GRIK4: variants seen among roughly 807,000 people sequenced by gnomAD.
GRIK4 encodes glutamate receptor ionotropic, kainate 4.
GRIK4 carries 40 observed loss-of-function variants against 104.9 expected under a neutral mutation model. That is an observed-to-expected ratio of 0.38 (90% CI 0.30 to 0.50). The LOEUF is 0.50. GRIK4 is among the 20% of genes least tolerant of loss of function. GRIK4 has a pLI of 0.93. For synonymous variants in GRIK4, 485 were observed against 524.9 expected (o/e 0.92, Z 1.04); for missense variants, 1,047 against 1,308.1 (o/e 0.80, Z 3.08).
At chr11:120,970,658 C>A (rs1412158071) in intron 19 of GRIK4, among the ~76,000 whole-genome samples, 1 of 152,102 alleles carries the variant, frequency 6.6e-6, no homozygotes, top group African/African-American at 2.4e-5. Flanking sequence ...GGAAGGGGAT[C>A]CAGGATCTCG....
In GRIK4 at chr11:120,875,130, CTT is replaced by C. The variant is rs758281918; in HGVS notation, c.1060-8_1060-7del. 40 of 1,574,362 alleles carry C rather than the reference CTT, an allele frequency of 2.5e-5. No individual in the cohort carries two copies. The highest frequency in any genetic ancestry group is 4.5e-5 in the East Asian group (2 of 44,534). The stretch of plus-strand genomic sequence containing the variant: ...TGTTTGGTGCTGTAACTCACTCTCT[CTT>C]GGACAGGTAGAATTGGAAGGTCTTA... On this transcript the variant is annotated splice_polypyrimidine_tract_variant and splice_region_variant and intron_variant, in intron 10 of 20. Coordinates refer to ENST00000527524, the MANE Select transcript of GRIK4 (RefSeq NM_014619.5).
chr11:120,559,880 A>T (rs1164240842), intron 1 of GRIK4, among the ~76,000 whole-genome samples: 1 of 152,086 alleles, frequency 6.6e-6, no homozygotes, highest in African/African-American at 2.4e-5. Flanking sequence ...GCGAGAGGAG[A>T]CAGGCCTATT....
Position 120,792,457 on chromosome 11 carries a change from G to A in GRIK4, c.83-10236G>A, listed in dbSNP as rs375122235. Among the ~76,000 whole-genome samples the A allele has an allele frequency of 1.2e-3, 178 of 152,160 alleles. 2 individuals carry two copies. The South Asian group carries it at 0.036, about 31-fold the overall frequency. ...GCGCACACTCTGGCAGCTAGGAGAGGGTGTGGTTGAGGAGCGCCAGGTGGT... is the reference window on the plus strand; with the variant it reads ...GCGCACACTCTGGCAGCTAGGAGAGAGTGTGGTTGAGGAGCGCCAGGTGGT... On this transcript the variant is annotated intron_variant, in intron 3 of 20. Coordinates refer to ENST00000527524, the MANE Select transcript of GRIK4 (RefSeq NM_014619.5).
chr11:120,791,982 T>G (rs1952403664), intron 3 of GRIK4, among the ~76,000 whole-genome samples: 1 of 152,206 alleles, frequency 6.6e-6, no homozygotes. Flanking sequence ...GAAGTTCTCC[T>G]GCTGTCAGGC....
chr11:120,825,781 G>A (rs999661214), intron 6 of GRIK4, among the ~76,000 whole-genome samples: 2 of 152,202 alleles, frequency 1.3e-5, no homozygotes, highest in African/African-American at 2.4e-5. Context: ...GTCTATTGAG[G>A]TAATTGGATG....
intron 8 of GRIK4, chr11:120,859,476 G>C (rs1006694248): frequency 2.0e-5 from 3 of 152,296 alleles, no homozygotes; most frequent in Non-Finnish European, 4.4e-5. Context: ...GAGCCTCAGG[G>C]CTTCCTTAAA....
At chr11:120,885,020 C>T (rs986519775) in intron 11 of GRIK4, among the ~76,000 whole-genome samples, 2 of 152,264 alleles carry the variant, frequency 1.3e-5, no homozygotes, top group African/African-American at 2.4e-5. Context: ...CCACTCAGAG[C>T]GCAAAGTTGT....
chr11:120,813,268 A>T (rs2094789607), intron 4 of GRIK4, among the ~76,000 whole-genome samples: 2 of 152,268 alleles, frequency 1.3e-5, no homozygotes, highest in South Asian at 4.2e-4. Context: ...GTGTGTGACC[A>T]GAGCGGAGGC....
At chr11:120,882,769 C>T (rs1424126624) in intron 11 of GRIK4, among the ~76,000 whole-genome samples, 1 of 152,174 alleles carries the variant, frequency 6.6e-6, no homozygotes, top group Non-Finnish European at 1.5e-5. Flanking sequence ...AACCCCTTGG[C>T]GGCCCCCATT....
intron 3 of GRIK4, among the ~76,000 whole-genome samples, chr11:120,799,438 C>T (rs1426693098): frequency 6.6e-6 from 1 of 152,194 alleles, no homozygotes; most frequent in Non-Finnish European, 1.5e-5. Context: ...TTTACAGTCC[C>T]TGGAAGCCTC....
intron 3 of GRIK4, among the ~76,000 whole-genome samples, chr11:120,723,149 T>C (rs1950963577): frequency 6.6e-6 from 1 of 152,238 alleles, no homozygotes; most frequent in South Asian, 2.1e-4. Flanking sequence ...TTTATGTCAA[T>C]GTCTCTCTAG....
At chr11:120,873,707 A>G (rs1954676415) in intron 9 of GRIK4, 2 of 189,034 alleles carry the variant, frequency 1.1e-5, no homozygotes, top group Non-Finnish European at 2.2e-5. Flanking sequence ...TCTTCTTGAC[A>G]TAAGCAGCCG....
chr11:120,518,527 G>T (rs978044737), intron 1 of GRIK4, among the ~76,000 whole-genome samples: 1 of 152,054 alleles, frequency 6.6e-6, no homozygotes, highest in Non-Finnish European at 1.5e-5. Context: ...CAAAGCCCAG[G>T]GTGTTTAAGT....
chr11:120,619,083 G>A (rs189529273), intron 1 of GRIK4, among the ~76,000 whole-genome samples: 1 of 152,326 alleles, frequency 6.6e-6, no homozygotes, highest in African/African-American at 2.4e-5. Flanking sequence ...AATCCACTGT[G>A]GGGGCTGAAC....
intron 3 of GRIK4, among the ~76,000 whole-genome samples, chr11:120,732,098 G>A (rs1370907932): frequency 6.6e-6 from 1 of 151,670 alleles, no homozygotes; most frequent in African/African-American, 2.4e-5. Context: ...GTTTGCTCTT[G>A]GTTTTCTAGT....
intron 3 of GRIK4, among the ~76,000 whole-genome samples, chr11:120,670,165 C>T (rs1056072235): frequency 9.2e-5 from 14 of 152,228 alleles, no homozygotes; most frequent in Non-Finnish European, 1.9e-4. Flanking sequence ...AACCCAACTG[C>T]GTCTCACCAC....
At chr11:120,862,375 T>C (rs1325648664) in intron 9 of GRIK4, 3 of 393,234 alleles carry the variant, frequency 7.6e-6, no homozygotes, top group Non-Finnish European at 1.4e-5. Flanking sequence ...AAGTCCCCTG[T>C]GGCCAGACTC....
chr11:120,807,218 A>G (rs1404154323), intron 4 of GRIK4, among the ~76,000 whole-genome samples: 3 of 152,130 alleles, frequency 2.0e-5, no homozygotes, highest in Non-Finnish European at 2.9e-5. Flanking sequence ...AGCTACCACA[A>G]GCTACCTCCT....
rs757233999 is a variant in GRIK4, at chr11:120,986,093, G to A, written c.2704G>A (p.Ala902Thr). Residue 902 changes from alanine (A) to threonine (T), a missense_variant, in exon 21 of 21, where the codon GCG (alanine) becomes ACG (threonine). Ala to Thr is a moderately conservative substitution (Grantham distance 58). Coordinates refer to ENST00000527524, the MANE Select transcript of GRIK4 (RefSeq NM_014619.5). ...LCGAGEPDQL[A>T]QRLAQEAALV... The stretch of plus-strand genomic sequence containing the variant: ...CGGGGCAGGGGAGCCCGACCAGCTC[G>A]CGCAGAGACTGGCGCAGGAGGCCGC... 2.1e-5 allele frequency: 32 copies of A among 1,511,772 alleles called. No homozygotes were observed. The highest frequency in any genetic ancestry group is 4.2e-5 in the Admixed American group (2 of 47,436). 93.6% of individuals were successfully genotyped at this position (1,511,772 alleles called of 1,614,324 possible).
Sources: allele counts gnomAD v4.1 joint callset (sites outside exome capture counted in the v4.1 genomes callset), GRCh38; gene constraint gnomAD v4.1.1; transcripts MANE v1.5; gene names NCBI Gene and HGNC (gene_info 2026-07-23, HGNC 2026-07-21).